GALNTL6: variants seen among roughly 807,000 people sequenced by gnomAD.
The protein encoded by GALNTL6 is polypeptide N-acetylgalactosaminyltransferase like 6.
A neutral mutation model predicts 73.7 loss-of-function variants in GALNTL6; 46 were observed. That is an observed-to-expected ratio of 0.62 (90% CI 0.49 to 0.80). The LOEUF (loss-of-function observed/expected upper bound fraction) is 0.80. GALNTL6 is among the 30% of genes least tolerant of loss of function. The probability of loss-of-function intolerance (pLI) is 0.00; values close to 1 mark genes in which losing one functional copy is unlikely to be tolerated. For missense variants in GALNTL6, 604 were observed against 755.0 expected (o/e 0.80, Z 2.34); for synonymous variants, 259 against 263.7 (o/e 0.98, Z 0.17).
At chr4:172,769,070 A>C (rs1436188290) in intron 5 of GALNTL6, among the ~76,000 whole-genome samples, 1 of 152,096 alleles carries the variant, frequency 6.6e-6, no homozygotes, top group Non-Finnish European at 1.5e-5. Context: ...CAGATTTAGC[A>C]AGTGATAAAC....
At chr4:172,960,717 AG>A (rs1750002390) in intron 10 of GALNTL6, among the ~76,000 whole-genome samples, 1 of 152,180 alleles carries the variant, frequency 6.6e-6, no homozygotes, top group African/African-American at 2.4e-5. Context: ...AAAAATCAAA[AG>A]TGCCATTTTC....
At chr4:172,589,914 C>T in intron 5 of GALNTL6, among the ~76,000 whole-genome samples, 1 of 152,012 alleles carries the variant, frequency 6.6e-6, no homozygotes, top group East Asian at 1.9e-4. Flanking sequence ...CATAATGGAC[C>T]AATTTTTTAC....
intron 5 of GALNTL6, among the ~76,000 whole-genome samples, chr4:172,371,947 G>T (rs994031166): frequency 6.6e-6 from 1 of 152,136 alleles, no homozygotes; most frequent in Non-Finnish European, 1.5e-5. Context: ...TTTCCATATT[G>T]CAGCATGGGC....
intron 2 of GALNTL6, among the ~76,000 whole-genome samples, chr4:171,837,688 TTA>T (rs1409110628): frequency 1.4e-5 from 2 of 147,216 alleles, no homozygotes; most frequent in African/African-American, 4.9e-5. Context: ...TTATGTATAT[TTA>T]TATGTTATAT....
intron 5 of GALNTL6, among the ~76,000 whole-genome samples, chr4:172,768,494 A>G (rs112353763): frequency 0.012 from 1,775 of 152,326 alleles, 24 homozygotes; most frequent in Non-Finnish European, 0.019. Flanking sequence ...TGAAAAATGA[A>G]AAGTACACAC....
At chr4:172,880,256 G>A (rs116595682) in intron 7 of GALNTL6, among the ~76,000 whole-genome samples, 1,709 of 152,062 alleles carry the variant, frequency 0.011, 31 homozygotes, top group African/African-American at 0.038. Context: ...CAACCCAAAC[G>A]TCCATCAACA....
intron 2 of GALNTL6, among the ~76,000 whole-genome samples, chr4:171,823,496 C>A (rs186046251): frequency 6.6e-6 from 1 of 151,606 alleles, no homozygotes; most frequent in Non-Finnish European, 1.5e-5. Flanking sequence ...TTTTCCCATG[C>A]AAATATCTTA....
At chr4:171,869,552 T>G (rs1438259278) in intron 2 of GALNTL6, among the ~76,000 whole-genome samples, 1 of 152,158 alleles carries the variant, frequency 6.6e-6, no homozygotes, top group Non-Finnish European at 1.5e-5. Flanking sequence ...CTTAACAAAT[T>G]TTTACTGCAT....
At chr4:172,760,428 G>T (rs1056646056) in intron 5 of GALNTL6, among the ~76,000 whole-genome samples, 1 of 152,152 alleles carries the variant, frequency 6.6e-6, no homozygotes, top group Non-Finnish European at 1.5e-5. Flanking sequence ...AACTATTCCT[G>T]AAATTTTTAA....
Position 172,882,913 on chromosome 4 carries a change from C to T in GALNTL6, c.1041+6C>T. ...AGTATGAAATCTCTTTTAAGGTAAG[C>T]CCCAAGACCCTCTTCACACTATATC... On this transcript the variant is annotated splice_donor_region_variant and intron_variant, in intron 8 of 12. Coordinates refer to ENST00000506823, the MANE Select transcript of GALNTL6 (RefSeq NM_001034845.3). 4 of 1,383,598 alleles carry T rather than the reference C, an allele frequency of 2.9e-6. No homozygotes were observed. The highest frequency in any genetic ancestry group is 4.1e-6 in the Non-Finnish European group (4 of 972,196). The allele number at this position is 1,383,598 out of a possible 1,614,324, so 85.7% of individuals were successfully genotyped here.
chr4:172,080,944 C>G (rs114367566), intron 2 of GALNTL6, among the ~76,000 whole-genome samples: 2,543 of 152,152 alleles, frequency 0.017, 63 homozygotes, highest in African/African-American at 0.055. Context: ...CCCAGTGTTG[C>G]CTCTCTTAAA....
intron 2 of GALNTL6, among the ~76,000 whole-genome samples, chr4:172,194,560 C>T (rs1170760474): frequency 1.3e-5 from 2 of 152,104 alleles, no homozygotes. Flanking sequence ...GGTGAGGTCG[C>T]CTATAAAGCG....
At chr4:172,559,248 T>C (rs1736262649) in intron 5 of GALNTL6, among the ~76,000 whole-genome samples, 2 of 151,784 alleles carry the variant, frequency 1.3e-5, no homozygotes, top group African/African-American at 4.8e-5. Context: ...GTATTTTTAG[T>C]AGAGACGGGG....
chr4:172,577,693 C>A (rs1737010588), intron 5 of GALNTL6, among the ~76,000 whole-genome samples: 1 of 152,110 alleles, frequency 6.6e-6, no homozygotes, highest in South Asian at 2.1e-4. Context: ...GTGACTCAAG[C>A]AGAGGTAAGC....
At chr4:172,601,933 A>C (rs1738063835) in intron 5 of GALNTL6, among the ~76,000 whole-genome samples, 1 of 152,148 alleles carries the variant, frequency 6.6e-6, no homozygotes, top group Admixed American at 6.6e-5. Flanking sequence ...AAAGAACTTA[A>C]TAGCCAAATT....
At position 172,802,453 on chromosome 4, in the gene GALNTL6, G is replaced by A. The variant is rs560560684; in HGVS notation, c.554-6908G>A. 7.2e-5 allele frequency among the ~76,000 whole-genome samples: 11 copies of A among 152,144 alleles called. 1 individual carries two copies. In the Middle Eastern group the frequency reaches 9.5e-3, roughly 131 times the overall value. The stretch of plus-strand genomic sequence containing the variant: ...CTCCCCAGACCTCCACAAACAAGTT[G>A]TATTGAGAGTCTAAAGGAACTCTTC... On this transcript the variant is annotated intron_variant, in intron 5 of 12. Coordinates refer to ENST00000506823, the MANE Select transcript of GALNTL6 (RefSeq NM_001034845.3).
At chr4:172,533,876 C>G (rs748160832) in intron 5 of GALNTL6, among the ~76,000 whole-genome samples, 2 of 152,086 alleles carry the variant, frequency 1.3e-5, no homozygotes, top group South Asian at 4.2e-4. Flanking sequence ...TGAGAATTAC[C>G]TGAGATTCAT....
intron 5 of GALNTL6, chr4:172,380,585 G>A (rs1743244671): frequency 4.4e-6 from 1 of 227,826 alleles, no homozygotes; most frequent in Non-Finnish European, 8.9e-6. Flanking sequence ...GGGAAAGAAA[G>A]AACGATTGTC....
intron 2 of GALNTL6, among the ~76,000 whole-genome samples, chr4:172,197,150 C>A (rs570770339): frequency 6.6e-6 from 1 of 152,044 alleles, no homozygotes; most frequent in Non-Finnish European, 1.5e-5. Context: ...CCAGAACCAA[C>A]AAGCAGAGAC....
Sources: allele counts gnomAD v4.1 joint callset (sites outside exome capture counted in the v4.1 genomes callset), GRCh38; gene constraint gnomAD v4.1.1; transcripts MANE v1.5; gene names NCBI Gene and HGNC (gene_info 2026-07-23, HGNC 2026-07-21).